GABRB2: variants seen among roughly 807,000 people sequenced by gnomAD.
The protein encoded by GABRB2 is gamma-aminobutyric acid receptor subunit beta-2.
In GABRB2, 16 loss-of-function variants were observed where a neutral mutation model predicts 54.7. That is an observed-to-expected ratio of 0.29 (90% CI 0.20 to 0.44). The LOEUF is 0.44. Ranked by LOEUF, GABRB2 falls within the 20% of genes least tolerant of loss-of-function variation. GABRB2 has a pLI of 1.00. For synonymous variants in GABRB2, 244 were observed against 233.8 expected (o/e 1.04, Z -0.40); for missense variants, 355 against 644.0 (o/e 0.55, Z 4.86).
At chr5:161,503,601 G>A (rs952184261) in intron 3 of GABRB2, among the ~76,000 whole-genome samples, 6 of 151,652 alleles carry the variant, frequency 4.0e-5, no homozygotes, top group East Asian at 3.9e-4. Flanking sequence ...CCAGCTACTC[G>A]GGAGACTGAG....
intron 5 of GABRB2, among the ~76,000 whole-genome samples, chr5:161,377,588 G>T (rs1755346079): frequency 6.6e-6 from 1 of 152,046 alleles, no homozygotes; most frequent in African/African-American, 2.4e-5. Flanking sequence ...AATGCCTGCT[G>T]AACAGAAATG....
At chr5:161,447,630 ATT>A (rs1353395631) in intron 4 of GABRB2, among the ~76,000 whole-genome samples, 1 of 152,104 alleles carries the variant, frequency 6.6e-6, no homozygotes, top group Non-Finnish European at 1.5e-5. Flanking sequence ...TCATTAACCT[ATT>A]ACACCGGTTT....
At chr5:161,524,999 T>C (rs1201201187) in intron 3 of GABRB2, among the ~76,000 whole-genome samples, 1 of 151,382 alleles carries the variant, frequency 6.6e-6, no homozygotes, top group Non-Finnish European at 1.5e-5. Context: ...ATATACAAAG[T>C]ACTTTCTATT....
At chr5:161,306,179 T>C (rs1757685628) in intron 9 of GABRB2, among the ~76,000 whole-genome samples, 1 of 152,340 alleles carries the variant, frequency 6.6e-6, no homozygotes, top group African/African-American at 2.4e-5. Flanking sequence ...ACAAAACCAG[T>C]CACTGCCTCA....
At chr5:161,457,738 G>A (rs187915194) in intron 4 of GABRB2, among the ~76,000 whole-genome samples, 12 of 152,042 alleles carry the variant, frequency 7.9e-5, no homozygotes, top group East Asian at 7.8e-4. Flanking sequence ...GAGCCACTGC[G>A]CTCAGCCCCC....
intron 4 of GABRB2, among the ~76,000 whole-genome samples, chr5:161,449,266 T>C (rs912556883): frequency 6.6e-6 from 1 of 152,172 alleles, no homozygotes; most frequent in Non-Finnish European, 1.5e-5. Context: ...AGCTATAAAA[T>C]GGACATAACA....
In GABRB2 at chr5:161,501,488, A is replaced by T. The variant is rs540040785; in HGVS notation, c.238-41644T>A. On this transcript the variant is annotated intron_variant, in intron 3 of 9. Transcript: ENST00000393959. ...TATGCTATTTCCCTTTTGACAGTTT[A>T]AAAGATAGTGACCTAATTATGCTTT... 7.9e-5 allele frequency among the ~76,000 whole-genome samples: 12 copies of T among 152,282 alleles called. No individual in the cohort carries two copies. In the South Asian group the frequency reaches 2.5e-3, roughly 32 times the overall value.
At chr5:161,412,060 C>T (rs577405241) in intron 4 of GABRB2, among the ~76,000 whole-genome samples, 150 of 152,200 alleles carry the variant, frequency 9.9e-4, no homozygotes, top group African/African-American at 3.5e-3. Context: ...GTGAGGGGCA[C>T]TATACTATGT....
At chr5:161,301,415 T>C (rs1757533851) in intron 9 of GABRB2, among the ~76,000 whole-genome samples, 1 of 152,076 alleles carries the variant, frequency 6.6e-6, no homozygotes, top group African/African-American at 2.4e-5. Context: ...CTAAACTTTC[T>C]TTCTTTCTTT....
intron 5 of GABRB2, 45 bp from the exon 6 acceptor site, chr5:161,336,814 C>CAAAAAA: frequency 9.0e-7 from 1 of 1,105,792 alleles, no homozygotes; most frequent in African/African-American, 1.8e-5. Flanking sequence ...ATACAGAAAA[C>CAAAAAA]AAAAAAAAAA....
At chr5:161,396,715 G>A (rs1364233947) in intron 5 of GABRB2, among the ~76,000 whole-genome samples, 2 of 152,074 alleles carry the variant, frequency 1.3e-5, no homozygotes, top group Admixed American at 1.3e-4. Flanking sequence ...ATTTCATAAT[G>A]TATTTATATA....
At chr5:161,323,566 G>A (rs1007692861) in intron 9 of GABRB2, among the ~76,000 whole-genome samples, 2 of 152,058 alleles carry the variant, frequency 1.3e-5, no homozygotes, top group African/African-American at 4.8e-5. Flanking sequence ...CTGCATCTTT[G>A]CAGAGCCTCA....
chr5:161,432,882 T>G (rs1353838526), intron 4 of GABRB2, among the ~76,000 whole-genome samples: 3 of 152,186 alleles, frequency 2.0e-5, no homozygotes, highest in African/African-American at 7.2e-5. Flanking sequence ...TAATGTATGC[T>G]CCATTTTGTG....
chr5:161,495,053 G>C (rs975158058), intron 3 of GABRB2, among the ~76,000 whole-genome samples: 2 of 151,926 alleles, frequency 1.3e-5, no homozygotes, highest in African/African-American at 2.4e-5. Context: ...TGTTGTGATT[G>C]TTTTTAGTTA....
At chr5:161,437,371 A>G (rs1287009735) in intron 4 of GABRB2, among the ~76,000 whole-genome samples, 1 of 152,046 alleles carries the variant, frequency 6.6e-6, no homozygotes, top group African/African-American at 2.4e-5. Flanking sequence ...TAGTTCCCAG[A>G]CAACATATGT....
chr5:161,495,280 C>G (rs1195777582), intron 3 of GABRB2, among the ~76,000 whole-genome samples: 2 of 151,774 alleles, frequency 1.3e-5, no homozygotes, highest in South Asian at 4.1e-4. Context: ...TTTATAATAT[C>G]TAGTTATTTG....
At chr5:161,369,639 G>C (rs1446440902) in intron 5 of GABRB2, among the ~76,000 whole-genome samples, 1 of 152,030 alleles carries the variant, frequency 6.6e-6, no homozygotes. Flanking sequence ...AAGAGAGAGA[G>C]AGATGCTTGG....
intron 5 of GABRB2, among the ~76,000 whole-genome samples, chr5:161,382,792 T>C (rs1755508130): frequency 6.6e-6 from 1 of 152,186 alleles, no homozygotes. Flanking sequence ...CACCCTGCAA[T>C]CTAGTCCTAT....
chr5:161,381,259 G>A (rs1312360902), intron 5 of GABRB2, among the ~76,000 whole-genome samples: 1 of 152,130 alleles, frequency 6.6e-6, no homozygotes, highest in Non-Finnish European at 1.5e-5. Flanking sequence ...TGGGACTACT[G>A]TTAATGTGTA....
Sources: allele counts gnomAD v4.1 joint callset (sites outside exome capture counted in the v4.1 genomes callset), GRCh38; gene constraint gnomAD v4.1.1; transcripts MANE v1.5; gene names NCBI Gene and HGNC (gene_info 2026-07-23, HGNC 2026-07-21).